PSD2: variants seen among roughly 807,000 people sequenced by gnomAD.
PSD2 encodes the protein PH and SEC7 domain-containing protein 2.
Under a neutral mutation model 69.8 loss-of-function variants are expected in PSD2, and 38 were observed. That is an observed-to-expected ratio of 0.54 (90% CI 0.42 to 0.71). The LOEUF is 0.71. PSD2 is among the 30% of genes least tolerant of loss of function. The pLI is 0.00. For synonymous variants in PSD2, 412 were observed against 423.0 expected (o/e 0.97, Z 0.32); for missense variants, 943 against 1,014.5 (o/e 0.93, Z 0.96).
chr5:139,768,553 G>T, the PSD2 span, among the ~76,000 whole-genome samples: 1 of 151,994 alleles, frequency 6.6e-6, no homozygotes, highest in East Asian at 1.9e-4. Context: ...AGAAACCCCC[G>T]TCTCTACTAA....
chr5:139,822,503 C>T (rs1306309409), intron 6 of PSD2, among the ~76,000 whole-genome samples: 1 of 152,154 alleles, frequency 6.6e-6, no homozygotes, highest in African/African-American at 2.4e-5. Context: ...GGAGTCTGGG[C>T]CAGAGTGGGT....
chr5:139,797,420 C>G (rs1238888837), intron 1 of PSD2, among the ~76,000 whole-genome samples: 1 of 152,220 alleles, frequency 6.6e-6, no homozygotes, highest in Non-Finnish European at 1.5e-5. Flanking sequence ...ACTGGTGCCT[C>G]TTGCAAGGTT....
intron 1 of PSD2, among the ~76,000 whole-genome samples, chr5:139,802,623 G>A (rs1016425772): frequency 6.6e-6 from 1 of 151,926 alleles, no homozygotes; most frequent in Non-Finnish European, 1.5e-5. Flanking sequence ...AGTCCTTTGT[G>A]GTTCCTGATA....
chr5:139,822,495 A>T (rs1254151487), intron 6 of PSD2, among the ~76,000 whole-genome samples: 1 of 152,174 alleles, frequency 6.6e-6, no homozygotes, highest in Non-Finnish European at 1.5e-5. Flanking sequence ...AGGAGGCAGG[A>T]GTCTGGGCCA....
the PSD2 span, among the ~76,000 whole-genome samples, chr5:139,758,662 G>A: frequency 6.6e-6 from 1 of 152,132 alleles, no homozygotes; most frequent in East Asian, 1.9e-4. Flanking sequence ...CCCTGCGTCC[G>A]GGAACTAGAG....
At chr5:139,782,434 T>C in the PSD2 span, among the ~76,000 whole-genome samples, 9 of 152,104 alleles carry the variant, frequency 5.9e-5, no homozygotes, top group Non-Finnish European at 5.9e-5. Context: ...TCCGCCCATT[T>C]TGGCCTCCCA....
At chr5:139,762,403 C>T in the PSD2 span, among the ~76,000 whole-genome samples, 15 of 152,210 alleles carry the variant, frequency 9.9e-5, no homozygotes, top group East Asian at 5.8e-4. Flanking sequence ...AGTGCAGTGG[C>T]GCAATCATAG....
In PSD2 at chr5:139,814,500, T is replaced by C. The variant is rs1012825513; in HGVS notation, c.1016+136T>C. On this transcript the variant is annotated intron_variant, in intron 4 of 14. Transcript: ENST00000274710. The surrounding 1 kb of genome is among the most constrained non-coding windows in gnomAD (Gnocchi z 4.4). ...CCAACAGTTCCCCAAGGACACCTCC[T>C]CCCGCCACTGTCCTCATTCCTGGCC... is the stretch of plus-strand genomic sequence containing the variant. 2.7e-6 allele frequency: 2 copies of C among 729,282 alleles called. No individual in the cohort carries two copies. Among genetic ancestry groups the C allele is most frequent in the Admixed American group, 3.5e-5 (1 of 28,658 alleles). The allele number at this position is 729,282 out of a possible 1,614,324, so 45.2% of individuals were successfully genotyped here.
intron 7 of PSD2, 22 bp downstream of exon 7, chr5:139,822,806 G>A (rs1201291684): frequency 6.3e-7 from 1 of 1,598,436 alleles, no homozygotes; most frequent in Admixed American, 1.7e-5. Context: ...AGGTGACGGG[G>A]GGTGTCGCAT....
chr5:139,746,799 G>GA, the PSD2 span, among the ~76,000 whole-genome samples: 3 of 152,168 alleles, frequency 2.0e-5, no homozygotes, highest in African/African-American at 7.2e-5. This position sits in a 1 kb window ranked among gnomAD's most constrained non-coding sequence, Gnocchi z 4.5. Flanking sequence ...CGGGGAAGCC[G>GA]AGGCGGGCAA....
Position 139,840,118 on chromosome 5 carries a change from A to G in PSD2, c.2060A>G (p.Lys687Arg), listed in dbSNP as rs111831217. ...TGTCACCCAGTCGAGAGGGGCATCA[A>G]GTCCAAGGAGGCCGAGGAGTACCGG... ...HRCHPVERGIKSKEAEEYRLK... is the reference protein window; with the variant it reads ...HRCHPVERGIRSKEAEEYRLK... The change falls in exon 14 of 15, where the codon AAG becomes AGG. Residue 687 changes from lysine to arginine, a missense_variant. Lys to Arg is a conservative substitution (Grantham distance 26). This residue lies in a region of PSD2 where 165 missense variants were observed against 168.8 expected (regional missense o/e 0.98). Transcript: ENST00000274710. 1 of 1,614,228 alleles carries G rather than the reference A, an allele frequency of 6.2e-7. No individual in the cohort carries two copies. The highest frequency in any genetic ancestry group is 8.5e-7 in the Non-Finnish European group (1 of 1,180,044).
At chr5:139,780,892 A>G in the PSD2 span, among the ~76,000 whole-genome samples, 1 of 152,230 alleles carries the variant, frequency 6.6e-6, no homozygotes, top group Non-Finnish European at 1.5e-5. Flanking sequence ...GGGAGCTACC[A>G]TTATCCCCAT....
At chr5:139,761,538 A>AC in the PSD2 span, among the ~76,000 whole-genome samples, 5 of 152,186 alleles carry the variant, frequency 3.3e-5, no homozygotes, top group African/African-American at 1.2e-4. Context: ...TAAGTCCCTC[A>AC]CAGGGTCTTC....
At chr5:139,816,132 C>A (rs1760118014) in intron 4 of PSD2, among the ~76,000 whole-genome samples, 2 of 152,050 alleles carry the variant, frequency 1.3e-5, no homozygotes, top group African/African-American at 2.4e-5. Flanking sequence ...GACCCACAGC[C>A]TTTTTTTCAT....
intron 4 of PSD2, among the ~76,000 whole-genome samples, chr5:139,815,719 C>T (rs192589795): frequency 6.6e-6 from 1 of 152,258 alleles, no homozygotes; most frequent in East Asian, 1.9e-4. Flanking sequence ...TCAGGCCGGG[C>T]ATAGTGGCTC....
At chr5:139,754,299 T>C in the PSD2 span, among the ~76,000 whole-genome samples, 2 of 151,360 alleles carry the variant, frequency 1.3e-5, no homozygotes, top group African/African-American at 4.9e-5. Flanking sequence ...GGGTGTGGTG[T>C]TGCATGTCTG....
rs560653277 is a variant in PSD2 at position 139,804,868 on chromosome 5, C to T, written c.-50-4523C>T. Among the ~76,000 whole-genome samples the T allele has an allele frequency of 3.9e-3, 595 of 151,506 alleles. 2 individuals carry two copies. The highest frequency in any genetic ancestry group is 6.3e-3 in the Non-Finnish European group (428 of 67,784). ...CTGCCCAGTTCCCTCTGTGTGTGTG[C>T]GTGTGTGTGTGTCTGTGTGCATGTG... is the stretch of plus-strand genomic sequence containing the variant. On this transcript the variant is annotated intron_variant, in intron 1 of 14. Coordinates refer to ENST00000274710, the MANE Select transcript of PSD2 (RefSeq NM_032289.4).
At chr5:139,805,200 G>A (rs1277663852) in intron 1 of PSD2, among the ~76,000 whole-genome samples, 1 of 152,152 alleles carries the variant, frequency 6.6e-6, no homozygotes, top group Admixed American at 6.5e-5. Flanking sequence ...AGCCCTCCCT[G>A]GTGGGCCCCA....
At chr5:139,766,930 C>CCTTTCT in the PSD2 span, among the ~76,000 whole-genome samples, 100 of 44,114 alleles carry the variant, frequency 2.3e-3, 7 homozygotes, top group Middle Eastern at 0.023. Context: ...CCTTCCTTCC[C>CCTTTCT]TTCTTTCTTT....
Sources: allele counts gnomAD v4.1 joint callset (sites outside exome capture counted in the v4.1 genomes callset), GRCh38; gene constraint gnomAD v4.1.1; regional missense constraint gnomAD v4.1.1; non-coding constraint Gnocchi (gnomAD v3.1); transcripts MANE v1.5; gene names NCBI Gene and HGNC (gene_info 2026-07-23, HGNC 2026-07-21).